The following GPR137 variants were observed in gnomAD, a reference collection of about 807,000 sequenced individuals.
The protein encoded by GPR137 is integral membrane protein GPR137.
In GPR137, 20 loss-of-function variants were observed where a neutral mutation model predicts 38.9. The observed-to-expected ratio is 0.51, with a 90% CI of 0.36 to 0.75. GPR137 has a LOEUF of 0.75. Ranked by LOEUF, GPR137 falls within the 30% of genes least tolerant of loss-of-function variation. The pLI, the probability that GPR137 is intolerant of heterozygous loss-of-function variation, is 0.00. For synonymous variants in GPR137, 226 were observed against 235.8 expected (o/e 0.96, Z 0.38); for missense variants, 456 against 526.4 (o/e 0.87, Z 1.31).
At chr11:64,271,600 G>A (rs1445301253), upstream of GPR137, 5 of 1,425,490 alleles carry the variant, frequency 3.5e-6, no homozygotes, top group Non-Finnish European at 4.6e-6. Context: ...GCACGCTGGG[G>A]ACTGGCGCTC....
chr11:64,288,145 A>G lies in GPR137; in HGVS notation c.714A>G (p.Thr238=). 6.2e-7 allele frequency: 1 copy of G among 1,613,048 alleles called. No individual in the cohort carries two copies. The highest frequency in any genetic ancestry group is 1.3e-5 in the African/African-American group (1 of 75,032). The change falls in exon 4 of 7, where the codon ACA becomes ACG. Residue 238 remains threonine (T), a synonymous_variant. Coordinates refer to ENST00000438980, the MANE Select transcript of GPR137 (RefSeq NM_001170880.2). The surrounding 1 kb of genome is among the most constrained non-coding windows in gnomAD (Gnocchi z 5.5). ...LYASRACYNL[T]ALALAPQSRL... is the part of the protein sequence containing the mutation. ...CCAGCCGGGCCTGCTACAACCTGACAGCACTGGCCTTGGCCCCCCAGAGCC... is the reference window on the plus strand; with the variant it reads ...CCAGCCGGGCCTGCTACAACCTGACGGCACTGGCCTTGGCCCCCCAGAGCC...
chr11:64,287,115 C>T, intron 2 of GPR137, 101 bp downstream of exon 2: 1 of 1,517,222 alleles, frequency 6.6e-7, no homozygotes, highest in Non-Finnish European at 8.9e-7. Context: ...ACAAAGGCAA[C>T]CCAGGGAATG....
At position 64,288,521 on chromosome 11, in the gene GPR137, A is replaced by T; in HGVS notation, c.912+53A>T. ...GCCAGTGGAGGGGGCGGATGTTGCA[A>T]ATCCTGGGTTGGAGTCTGGGGTTGG... On this transcript the variant is annotated intron_variant, in intron 5 of 6. Transcript: ENST00000438980. This position sits in a 1 kb window ranked among gnomAD's most constrained non-coding sequence, Gnocchi z 5.5. 2 of 1,613,274 alleles carry T rather than the reference A, an allele frequency of 1.2e-6. No homozygotes were observed. Among genetic ancestry groups the T allele is most frequent in the Middle Eastern group, 1.6e-4 (1 of 6,062 alleles).
At chr11:64,275,243 C>T (rs1565347217), upstream of GPR137, among the ~76,000 whole-genome samples, 1 of 151,876 alleles carries the variant, frequency 6.6e-6, no homozygotes, top group Admixed American at 6.6e-5. Flanking sequence ...CCTATAATCC[C>T]AGCACCTTGG....
upstream of GPR137, among the ~76,000 whole-genome samples, chr11:64,272,526 C>T (rs11231735): frequency 0.041 from 6,238 of 152,242 alleles, 786 homozygotes; most frequent in East Asian, 0.5. Flanking sequence ...AGAACTTGGC[C>T]GCTACATGTC....
upstream of GPR137, among the ~76,000 whole-genome samples, chr11:64,281,505 A>G (rs1409141247): frequency 6.6e-6 from 1 of 152,190 alleles, no homozygotes; most frequent in African/African-American, 2.4e-5. Flanking sequence ...ATGACCTTCA[A>G]CTTTAGGTCT....
At chr11:64,284,784 AACCC>A, upstream of GPR137, 1 of 1,532,306 alleles carries the variant, frequency 6.5e-7, no homozygotes, top group Non-Finnish European at 8.7e-7. Flanking sequence ...AGGCGGGGTC[AACCC>A]GGCCCGGCCC....
At position 64,285,886 on chromosome 11, in the gene GPR137, C is replaced by T. The variant is rs550413345; in HGVS notation, c.-639C>T. On this transcript the variant is annotated 5_prime_UTR_variant, in exon 1 of 7. Transcript: ENST00000438980. ...CCGGGGAGCCGGAGCCCCGGGTCCC[C>T]ACGACCTGAGCCGGCTCTCCCATCA... 55 of 976,378 alleles carry T rather than the reference C, an allele frequency of 5.6e-5. 1 individual carries two copies. The South Asian group carries it at 2.0e-3, about 35-fold the overall frequency. 60.5% of individuals were successfully genotyped at this position (976,378 alleles called of 1,614,324 possible).
At chr11:64,285,416 G>A (rs967831247), upstream of GPR137, 3 of 984,398 alleles carry the variant, frequency 3.0e-6, no homozygotes, top group African/African-American at 1.7e-5. Flanking sequence ...GGCGAGGGGC[G>A]GGCCCGCGCG....
chr11:64,284,654 T>G, upstream of GPR137: 1 of 1,533,778 alleles, frequency 6.5e-7, no homozygotes, highest in Non-Finnish European at 8.7e-7. Context: ...TCGAGGCCCC[T>G]GACCCGGGCC....
Position 64,288,706 on chromosome 11 carries a change from G to T in GPR137, c.1016G>T (p.Arg339Leu). The change falls in exon 6 of 7, where the codon CGG (arginine) becomes CTG (leucine). Residue 339 changes from arginine (R) to leucine (L), a missense_variant. Transcript: ENST00000438980. The surrounding 1 kb of genome is among the most constrained non-coding windows in gnomAD (Gnocchi z 5.5). ...EDEGCSWEHS[R>L]GESTSMSGSL... ...GAGGGCTGCTCCTGGGAGCACAGCCGGGGTGAGAGCACCAGGTAGGAGCCG... is the reference window on the plus strand; with the variant it reads ...GAGGGCTGCTCCTGGGAGCACAGCCTGGGTGAGAGCACCAGGTAGGAGCCG... The T allele has an allele frequency of 6.4e-7, 1 of 1,566,388 alleles. No homozygotes were observed. The highest frequency in any genetic ancestry group is 2.4e-5 in the East Asian group (1 of 42,364).
intron 1 of GPR137, among the ~76,000 whole-genome samples, chr11:64,276,150 A>T (rs1176550532): frequency 1.3e-5 from 2 of 152,116 alleles, no homozygotes; most frequent in Non-Finnish European, 2.9e-5. Flanking sequence ...TTCTGCCAGG[A>T]ACCTGTCCTA....
chr11:64,281,503 C>T (rs1387320164), upstream of GPR137, among the ~76,000 whole-genome samples: 2 of 152,228 alleles, frequency 1.3e-5, no homozygotes, highest in African/African-American at 4.8e-5. Context: ...GAATGACCTT[C>T]AACTTTAGGT....
upstream of GPR137, chr11:64,285,794 T>C (rs1195373946): frequency 2.0e-6 from 2 of 985,140 alleles, no homozygotes; most frequent in Non-Finnish European, 2.4e-6. Flanking sequence ...GCCGGGCCGC[T>C]GCGCAATTTG....
At position 64,286,533 on chromosome 11, in the gene GPR137, T is replaced by G. The variant is rs781463952; in HGVS notation, c.9T>G (p.Ser3Arg). 6.2e-7 allele frequency: 1 copy of G among 1,610,246 alleles called. No homozygotes were observed. The highest frequency in any genetic ancestry group is 8.5e-7 in the Non-Finnish European group (1 of 1,177,998). ME[S>R]NLSGLVPAAG... Reference sequence around the variant, plus strand: ...AGGCCTCCCTCCCTGACATGGAGAGTAACCTGTCTGGCCTGGTGCCTGCTG... The same window carrying G: ...AGGCCTCCCTCCCTGACATGGAGAGGAACCTGTCTGGCCTGGTGCCTGCTG... Residue 3 changes from serine (S) to arginine (R), a missense_variant, in exon 1 of 7, where the codon AGT becomes AGG. By Grantham distance (110) the Ser-to-Arg change is moderately radical. Coordinates refer to ENST00000438980, the MANE Select transcript of GPR137 (RefSeq NM_001170880.2).
chr11:64,283,397 G>C (rs558801341), upstream of GPR137, among the ~76,000 whole-genome samples: 16 of 152,232 alleles, frequency 1.1e-4, no homozygotes, highest in Non-Finnish European at 1.8e-4. Context: ...CAGGTGCCAA[G>C]GCCAGTGCTG....
chr11:64,286,915 G>T (rs565904621), intron 1 of GPR137, 34 bp downstream of exon 1: 1 of 1,612,120 alleles, frequency 6.2e-7, no homozygotes, highest in Admixed American at 1.7e-5. Context: ...GGGGGCGGGA[G>T]GTGGCAAGCC....
At chr11:64,271,549 G>C, upstream of GPR137, 1 of 1,361,356 alleles carries the variant, frequency 7.3e-7, no homozygotes, top group Non-Finnish European at 9.5e-7. Flanking sequence ...GGACAAGGCA[G>C]GGACAGACCG....
rs772237719 is a variant in GPR137, at chr11:64,288,040, G to T, written c.634-25G>T. On this transcript the variant is annotated intron_variant, in intron 3 of 6. Transcript: ENST00000438980. This position sits in a 1 kb window ranked among gnomAD's most constrained non-coding sequence, Gnocchi z 5.5. ...AAGCTGGGAGCCTTCTCTCCCTGAG[G>T]GTCCTCTGTTGTTACCTGTGCCAGG... 24 of 1,607,338 alleles carry T rather than the reference G, an allele frequency of 1.5e-5. No individual in the cohort carries two copies. The highest frequency in any genetic ancestry group is 2.0e-5 in the Non-Finnish European group (24 of 1,179,920).
Sources: gnomAD v4.1 joint callset for allele counts (sites outside exome capture counted in the v4.1 genomes callset) on GRCh38, gnomAD v4.1.1 for gene constraint, Gnocchi (gnomAD v3.1) non-coding constraint, MANE v1.5 for transcripts, NCBI Gene and HGNC (gene_info 2026-07-23, HGNC 2026-07-21) for gene names.